Variants in NUBPL observed in about 807,000 individuals in gnomAD.
NUBPL encodes iron-sulfur cluster transfer protein NUBPL.
A neutral mutation model predicts 45.7 loss-of-function variants in NUBPL; 31 were observed. The observed-to-expected ratio is 0.68, with a 90% confidence interval of 0.51 to 0.92. NUBPL has a LOEUF of 0.92. NUBPL is among the 40% of genes least tolerant of loss of function. The pLI is 0.00. For synonymous variants in NUBPL, 144 were observed against 140.9 expected (o/e 1.02, Z -0.15); for missense variants, 401 against 398.7 (o/e 1.01, Z -0.05).
chr14:31,565,148 G>A, intron 3 of NUBPL, 100 bp downstream of exon 3: 1 of 705,956 alleles, frequency 1.4e-6, no homozygotes, highest in Non-Finnish European at 2.5e-6. Context: ...AGAAGCTATA[G>A]TGTAGTTGTA....
At chr14:31,641,422 A>G (rs2035695763) in intron 4 of NUBPL, among the ~76,000 whole-genome samples, 1 of 152,054 alleles carries the variant, frequency 6.6e-6, no homozygotes, top group African/African-American at 2.4e-5. Context: ...GAGTCTGAAC[A>G]TGTGATATTT....
chr14:31,837,019 T>A (rs1216053632), intron 8 of NUBPL, among the ~76,000 whole-genome samples: 2 of 152,226 alleles, frequency 1.3e-5, no homozygotes, highest in Non-Finnish European at 2.9e-5. Flanking sequence ...ATCTGTCTTG[T>A]ATATTTTTAA....
chr14:31,736,183 A>G lies in NUBPL; in HGVS notation c.514-51597A>G, dbSNP rs143147061. 2.1e-3 allele frequency among the ~76,000 whole-genome samples: 317 copies of G among 152,338 alleles called. 1 individual carries two copies. The highest frequency in any genetic ancestry group is 7.3e-3 in the African/African-American group (303 of 41,582). Reference sequence around the variant, plus strand: ...ATATAAAGCCAAATTGCTTCCCAAAAGGATTAGGCGACCTCCAAAGTTTTC... The same window carrying G: ...ATATAAAGCCAAATTGCTTCCCAAAGGGATTAGGCGACCTCCAAAGTTTTC... On this transcript the variant is annotated intron_variant, in intron 6 of 10. Coordinates refer to ENST00000281081, the MANE Select transcript of NUBPL (RefSeq NM_025152.3).
At chr14:31,727,973 G>A (rs750923325) in intron 6 of NUBPL, among the ~76,000 whole-genome samples, 4 of 151,774 alleles carry the variant, frequency 2.6e-5, no homozygotes, top group Non-Finnish European at 5.9e-5. Context: ...AGTCTTACTG[G>A]GCATTATTAT....
intron 6 of NUBPL, among the ~76,000 whole-genome samples, chr14:31,743,786 T>C (rs1370141564): frequency 6.6e-6 from 1 of 152,156 alleles, no homozygotes; most frequent in Non-Finnish European, 1.5e-5. Context: ...AAAACACTTT[T>C]GAGGAACTAA....
chr14:31,820,287 T>TAG (rs2039995392), intron 7 of NUBPL, among the ~76,000 whole-genome samples: 1 of 152,140 alleles, frequency 6.6e-6, no homozygotes, highest in Admixed American at 6.6e-5. Flanking sequence ...TTACAGTCAG[T>TAG]AGAGAGAGCA....
intron 6 of NUBPL, among the ~76,000 whole-genome samples, chr14:31,762,583 A>C (rs1371619263): frequency 6.6e-6 from 1 of 152,176 alleles, no homozygotes; most frequent in Admixed American, 6.5e-5. Flanking sequence ...TAAATGATTC[A>C]GTTGTTACAA....
At chr14:31,622,572 A>T (rs1432255068) in intron 4 of NUBPL, among the ~76,000 whole-genome samples, 2 of 152,206 alleles carry the variant, frequency 1.3e-5, no homozygotes, top group Non-Finnish European at 2.9e-5. Context: ...GCCTTGGGAC[A>T]TGGCACCCTA....
chr14:31,753,612 A>G (rs188554391), intron 6 of NUBPL, among the ~76,000 whole-genome samples: 1 of 152,238 alleles, frequency 6.6e-6, no homozygotes, highest in African/African-American at 2.4e-5. Context: ...TAGAAGTGGC[A>G]CTATTCCCAA....
intron 6 of NUBPL, among the ~76,000 whole-genome samples, chr14:31,708,455 G>C (rs1344812386): frequency 6.6e-6 from 1 of 152,142 alleles, no homozygotes; most frequent in Non-Finnish European, 1.5e-5. Context: ...CCATATTCAT[G>C]TAGATAATAG....
intron 3 of NUBPL, among the ~76,000 whole-genome samples, chr14:31,587,307 C>T (rs192713260): frequency 6.6e-6 from 1 of 152,214 alleles, no homozygotes; most frequent in African/African-American, 2.4e-5. Context: ...AAACTTAGGC[C>T]AGGCATTTGA....
chr14:31,569,798 A>C (rs2033532922), intron 3 of NUBPL, among the ~76,000 whole-genome samples: 1 of 152,204 alleles, frequency 6.6e-6, no homozygotes, highest in African/African-American at 2.4e-5. Flanking sequence ...AAACACTGAA[A>C]ATCAAGCCCA....
At chr14:31,711,931 G>T (rs2037580919) in intron 6 of NUBPL, among the ~76,000 whole-genome samples, 1 of 152,164 alleles carries the variant, frequency 6.6e-6, no homozygotes, top group African/African-American at 2.4e-5. Flanking sequence ...TGGGTTCGTG[G>T]TCTCGCTGGC....
At chr14:31,609,594 A>C (rs1212460892) in intron 4 of NUBPL, among the ~76,000 whole-genome samples, 1 of 152,212 alleles carries the variant, frequency 6.6e-6, no homozygotes, top group Non-Finnish European at 1.5e-5. Flanking sequence ...TTTACAGAGC[A>C]TTTCATCCAG....
intron 3 of NUBPL, among the ~76,000 whole-genome samples, chr14:31,598,300 A>G (rs1367969664): frequency 6.6e-6 from 1 of 152,186 alleles, no homozygotes; most frequent in East Asian, 1.9e-4. Flanking sequence ...AGAAATAGGT[A>G]GGTAACATCG....
chr14:31,850,795 T>G lies in NUBPL; in HGVS notation c.897+594T>G, dbSNP rs1348087144. Among the ~76,000 whole-genome samples, 4 of 151,884 alleles carry G rather than the reference T, an allele frequency of 2.6e-5. No homozygotes were observed. In the South Asian group the frequency reaches 6.2e-4, roughly 24 times the overall value. On this transcript the variant is annotated intron_variant, in intron 10 of 10. Coordinates refer to ENST00000281081, the MANE Select transcript of NUBPL (RefSeq NM_025152.3). ...TGTACACCACCATGCCCTGCTAATT[T>G]TTTTTTTTATGGAGACAGGGTCTCA...
intron 4 of NUBPL, among the ~76,000 whole-genome samples, chr14:31,636,658 A>G (rs1420303320): frequency 6.6e-6 from 1 of 152,186 alleles, no homozygotes; most frequent in African/African-American, 2.4e-5. Flanking sequence ...TAGTTTCAGA[A>G]GGAATGGTAC....
chr14:31,784,452 A>G (rs954560533), intron 6 of NUBPL, among the ~76,000 whole-genome samples: 3 of 152,188 alleles, frequency 2.0e-5, no homozygotes, highest in African/African-American at 7.2e-5. Flanking sequence ...GACACCCTTT[A>G]TTCATTTTAC....
At chr14:31,706,324 T>A (rs1430344631) in intron 6 of NUBPL, among the ~76,000 whole-genome samples, 1 of 152,160 alleles carries the variant, frequency 6.6e-6, no homozygotes, top group Non-Finnish European at 1.5e-5. Flanking sequence ...GGGTCCTCGG[T>A]AGAAGTTGTT....
Sources: gnomAD v4.1 joint callset for allele counts (sites outside exome capture counted in the v4.1 genomes callset) on GRCh38, gnomAD v4.1.1 for gene constraint, MANE v1.5 for transcripts, NCBI Gene and HGNC (gene_info 2026-07-23, HGNC 2026-07-21) for gene names.